Variants in MIA2 observed in about 807,000 individuals in gnomAD.
MIA2 encodes the protein MIA SH3 domain ER export factor 2.
In MIA2, 127 loss-of-function variants were observed where a neutral mutation model predicts 167.8. The ratio of observed to expected loss-of-function variants is 0.76; its 90% CI spans 0.66 to 0.88. MIA2 has a LOEUF of 0.88. MIA2 is among the 40% of genes least tolerant of loss of function. MIA2 has a pLI of 0.00. For missense variants in MIA2, 1,690 were observed against 1,624.7 expected, an observed-to-expected ratio of 1.04 and a Z score of -0.69; for synonymous variants, 552 against 541.9, an observed-to-expected ratio of 1.02 and a Z score of -0.26.
chr14:39,374,501 A>G (rs564990673), intron 23 of MIA2, among the ~76,000 whole-genome samples: 1 of 152,288 alleles, frequency 6.6e-6, no homozygotes, highest in Admixed American at 6.5e-5. Flanking sequence ...TTTTTTGGAA[A>G]AAGGAAATGT....
chr14:39,245,110 C>T (rs1594647652), intron 3 of MIA2, among the ~76,000 whole-genome samples: 1 of 95,292 alleles, frequency 1.0e-5, no homozygotes, highest in African/African-American at 3.7e-5. Context: ...AGGATCTTGC[C>T]TTGTTGCTTA....
intron 22 of MIA2, among the ~76,000 whole-genome samples, chr14:39,318,445 G>A (rs1217509742): frequency 1.3e-5 from 2 of 152,060 alleles, no homozygotes; most frequent in East Asian, 1.9e-4. Context: ...AAAATGAAAG[G>A]TAGAATAAAA....
chr14:39,286,327 T>C (rs1029907673), intron 9 of MIA2, among the ~76,000 whole-genome samples: 1 of 151,882 alleles, frequency 6.6e-6, no homozygotes, highest in African/African-American at 2.4e-5. Flanking sequence ...CGCCTGCAAT[T>C]GCAGGCACTC....
intron 3 of MIA2, among the ~76,000 whole-genome samples, chr14:39,245,140 A>T (rs1466995364): frequency 2.0e-5 from 3 of 146,342 alleles, no homozygotes; most frequent in Non-Finnish European, 4.5e-5. Flanking sequence ...GAAGTGGTGC[A>T]ATCATGGCTC....
intron 17 of MIA2, among the ~76,000 whole-genome samples, chr14:39,305,948 AAAAG>A (rs1157296231): frequency 6.6e-6 from 1 of 151,854 alleles, no homozygotes; most frequent in African/African-American, 2.4e-5. Flanking sequence ...AAAAAAAAAA[AAAAG>A]TACATAAATA....
At chr14:39,331,911 A>C (rs773523269) in intron 25 of MIA2, among the ~76,000 whole-genome samples, 14 of 152,174 alleles carry the variant, frequency 9.2e-5, no homozygotes, top group South Asian at 8.3e-4. Flanking sequence ...AATGTTGCTG[A>C]ATCTGACGAT....
chr14:39,360,794 T>G (rs547348114), intron 23 of MIA2, among the ~76,000 whole-genome samples: 1 of 152,338 alleles, frequency 6.6e-6, no homozygotes, highest in East Asian at 1.9e-4. Context: ...GTTTTGGGCC[T>G]TATGTTTAGG....
intron 13 of MIA2, among the ~76,000 whole-genome samples, chr14:39,297,666 CGTGTGTGTGTGTGTGT>C (rs71435638): frequency 7.1e-6 from 1 of 140,172 alleles, no homozygotes; most frequent in East Asian, 2.1e-4. Flanking sequence ...TAGGGTTTTG[CGTGTGTGTGTGTGTGT>C]GTGTGTGTGT....
chr14:39,258,513 T>G (rs2054922692), intron 6 of MIA2, among the ~76,000 whole-genome samples: 1 of 152,222 alleles, frequency 6.6e-6, no homozygotes. Flanking sequence ...TTGGCTTCCT[T>G]GCACTGGGTT....
At chr14:39,278,798 G>C (rs2058517822) in intron 7 of MIA2, among the ~76,000 whole-genome samples, 1 of 152,034 alleles carries the variant, frequency 6.6e-6, no homozygotes, top group Admixed American at 6.6e-5. Flanking sequence ...AGTATCTTTA[G>C]AGTAAAGTTA....
intron 27 of MIA2, among the ~76,000 whole-genome samples, chr14:39,348,422 G>T (rs1299563830): frequency 1.3e-5 from 2 of 151,874 alleles, no homozygotes; most frequent in South Asian, 2.1e-4. Context: ...TAGACATTTT[G>T]CTTTTTCTTT....
At chr14:39,267,355 G>T in intron 6 of MIA2, 1 of 1,579,522 alleles carries the variant, frequency 6.3e-7, no homozygotes. Flanking sequence ...CCGGTTGCCG[G>T]GTGCGGATTC....
chr14:39,246,699 G>C (rs187904142), intron 3 of MIA2, among the ~76,000 whole-genome samples: 10 of 151,988 alleles, frequency 6.6e-5, no homozygotes, highest in African/African-American at 2.4e-4. Flanking sequence ...AACAAACAAA[G>C]AAACAAAAAA....
intron 6 of MIA2, chr14:39,265,985 C>G: frequency 2.0e-6 from 2 of 985,418 alleles, no homozygotes; most frequent in Non-Finnish European, 2.4e-6. Flanking sequence ...AAATAGCAAT[C>G]TTGAGTTCTG....
chr14:39,364,257 C>A (rs1236507105), intron 23 of MIA2, among the ~76,000 whole-genome samples: 1 of 152,000 alleles, frequency 6.6e-6, no homozygotes, highest in African/African-American at 2.4e-5. Context: ...ACTCAGGAGG[C>A]TGAGGCAGGA....
At position 39,281,857 on chromosome 14, in the gene MIA2, G is replaced by A. The variant is rs1478610940; in HGVS notation, c.2130+2320G>A. 4.6e-5 allele frequency among the ~76,000 whole-genome samples: 7 copies of A among 151,982 alleles called. 1 individual carries two copies. The highest frequency in any genetic ancestry group is 1.0e-4 in the Non-Finnish European group (7 of 67,998). On this transcript the variant is annotated intron_variant, in intron 9 of 28. Transcript: ENST00000640607. Reference sequence around the variant, plus strand: ...GCTGGTCTCAAACTCCTGAGCTCAGGCAATCCACCTGCCTTGGCCTCCCAA... The same window carrying A: ...GCTGGTCTCAAACTCCTGAGCTCAGACAATCCACCTGCCTTGGCCTCCCAA...
intron 25 of MIA2, among the ~76,000 whole-genome samples, chr14:39,331,977 A>G (rs2068995470): frequency 6.6e-6 from 1 of 151,972 alleles, no homozygotes; most frequent in South Asian, 2.1e-4. Flanking sequence ...GTGAATTTGA[A>G]TGTTGGCCTA....
intron 23 of MIA2, among the ~76,000 whole-genome samples, chr14:39,359,010 T>A (rs1177430020): frequency 6.6e-6 from 1 of 152,162 alleles, no homozygotes; most frequent in African/African-American, 2.4e-5. Flanking sequence ...GGGACCCACT[T>A]GAGGAGGCAG....
rs1321820429 is a variant in MIA2, at chr14:39,357,521, G to A, written c.2248+8544G>A. ...CTCTTCATTCAGTTTGCCAGTCTGT[G>A]TCATTTAATTGGAGCATTTAGCCCA... On this transcript the variant is annotated intron_variant, in intron 23 of 23. Coordinates refer to the MIA2 transcript ENST00000341502. 2.0e-5 allele frequency among the ~76,000 whole-genome samples: 3 copies of A among 152,272 alleles called. No homozygotes were observed. In the East Asian group the frequency reaches 5.8e-4, roughly 29 times the overall value.
Sources: allele counts gnomAD v4.1 joint callset (sites outside exome capture counted in the v4.1 genomes callset), GRCh38; gene constraint gnomAD v4.1.1; transcripts MANE v1.5; gene names NCBI Gene and HGNC (gene_info 2026-07-23, HGNC 2026-07-21).